Variants in SH3KBP1 observed in about 807,000 individuals in gnomAD.
SH3KBP1 encodes the protein SH3 domain containing kinase binding protein 1, also known as SH3 domain-containing kinase-binding protein 1.
A neutral mutation model predicts 50.1 loss-of-function variants in SH3KBP1; 8 were observed. That is an observed-to-expected ratio of 0.16 (90% CI 0.09 to 0.29). SH3KBP1 has a LOEUF of 0.29. Ranked by LOEUF, SH3KBP1 falls within the 10% of genes least tolerant of loss-of-function variation. The pLI is 1.00. For missense variants in SH3KBP1, 377 were observed against 535.2 expected (o/e 0.70, Z 2.92); for synonymous variants, 227 against 218.6 (o/e 1.04, Z -0.34).
At position 19,887,271 on chromosome X, in the gene SH3KBP1, G is replaced by A. The variant is rs949975806; in HGVS notation, c.4+36C>T. ...GGACTGGCGCGCCGCCCTCAAGGCT[G>A]AAGTGGACGCCCGGACGCGGGCGGC... On this transcript the variant is annotated intron_variant, in intron 1 of 17. Transcript: ENST00000397821. The A allele has an allele frequency of 1.9e-5, 18 of 971,996 alleles. No homozygotes were observed. The African/African-American group carries it at 2.9e-4, about 16-fold the overall frequency. The allele number at this position is 971,996 out of a possible 1,213,427, so 80.1% of individuals were successfully genotyped here. A position where few individuals can be genotyped will look rare whatever the true frequency, so the allele number is the denominator to read the frequency against.
chrX:19,754,424 A>G (rs1461868873), intron 2 of SH3KBP1, among the ~76,000 whole-genome samples: 1 of 112,346 alleles, frequency 8.9e-6, no homozygotes, highest in Non-Finnish European at 1.9e-5. Flanking sequence ...TTGGATACTT[A>G]AAAATATCTA....
intron 1 of SH3KBP1, among the ~76,000 whole-genome samples, chrX:19,851,157 A>G (rs902899005): frequency 1.7e-4 from 19 of 111,797 alleles, no homozygotes; most frequent in Non-Finnish European, 2.6e-4. Flanking sequence ...AAGCTGAACA[A>G]AAGGGTCAGG....
intron 4 of SH3KBP1, among the ~76,000 whole-genome samples, chrX:19,704,872 T>C (rs2063616953): frequency 8.9e-6 from 1 of 112,682 alleles, no homozygotes; most frequent in African/African-American, 3.2e-5. Flanking sequence ...TTTTTCATTA[T>C]CACAAATACT....
chrX:19,659,306 G>C (rs1251670643), intron 6 of SH3KBP1, among the ~76,000 whole-genome samples: 2 of 109,527 alleles, frequency 1.8e-5, no homozygotes, highest in Non-Finnish European at 3.8e-5. Context: ...GTAGAGACAG[G>C]GTTTCACCGT....
At chrX:19,715,647 G>A (rs755708761) in intron 3 of SH3KBP1, among the ~76,000 whole-genome samples, 3 of 111,742 alleles carry the variant, frequency 2.7e-5, no homozygotes, top group African/African-American at 6.5e-5. Context: ...GGCCAAAAAC[G>A]AATGGGACTC....
intron 8 of SH3KBP1, among the ~76,000 whole-genome samples, chrX:19,619,058 C>A (rs916162346): frequency 9.1e-6 from 1 of 109,389 alleles, no homozygotes; most frequent in African/African-American, 3.3e-5. Context: ...GGCAGATCAC[C>A]TGAGGTCAGG....
intron 6 of SH3KBP1, chrX:19,664,787 G>C (rs2062554453): frequency 8.9e-6 from 1 of 111,765 alleles, no homozygotes; most frequent in Non-Finnish European, 1.9e-5. Context: ...AGCCTCTTCT[G>C]AATTGAAAAA....
chrX:19,823,351 T>C (rs116002298), intron 2 of SH3KBP1, among the ~76,000 whole-genome samples: 1,946 of 112,474 alleles, frequency 0.017, 56 homozygotes, highest in African/African-American at 0.059. Context: ...TAGACTTTTA[T>C]CTGGCGGCTT....
intron 3 of SH3KBP1, among the ~76,000 whole-genome samples, chrX:19,723,928 C>G (rs1205377880): frequency 9.0e-6 from 1 of 110,922 alleles, no homozygotes. Flanking sequence ...AAGCAGATGT[C>G]CCCCGCCGAC....
chrX:19,835,525 C>A (rs1417611317), intron 2 of SH3KBP1, among the ~76,000 whole-genome samples: 1 of 110,809 alleles, frequency 9.0e-6, no homozygotes, highest in Non-Finnish European at 1.9e-5. Flanking sequence ...AAATAAAATT[C>A]TTTTAAACTT....
At chrX:19,595,857 A>G (rs2066891445) in intron 9 of SH3KBP1, among the ~76,000 whole-genome samples, 1 of 111,654 alleles carries the variant, frequency 9.0e-6, no homozygotes, top group Non-Finnish European at 1.9e-5. Flanking sequence ...TTCTGGGTGC[A>G]TATGTGTGCG....
intron 1 of SH3KBP1, among the ~76,000 whole-genome samples, chrX:19,878,487 TG>T (rs2069321535): frequency 2.5e-5 from 2 of 80,072 alleles, no homozygotes; most frequent in Non-Finnish European, 4.3e-5. Context: ...TGTGTGTGTG[TG>T]TGTGTGTGTG....
intron 2 of SH3KBP1, among the ~76,000 whole-genome samples, chrX:19,825,505 G>A (rs1187408550): frequency 9.0e-6 from 1 of 111,620 alleles, no homozygotes; most frequent in Non-Finnish European, 1.9e-5. Flanking sequence ...TTGTGTGACT[G>A]TGAGTATGGC....
intron 1 of SH3KBP1, among the ~76,000 whole-genome samples, chrX:19,868,791 A>G (rs753038526): frequency 1.8e-5 from 2 of 108,109 alleles, no homozygotes; most frequent in East Asian, 6.0e-4. Flanking sequence ...TCAACCCATT[A>G]TAAGTCAGGG....
chrX:19,561,663 A>G (rs1290782597), intron 13 of SH3KBP1, among the ~76,000 whole-genome samples: 1 of 111,758 alleles, frequency 8.9e-6, no homozygotes, highest in Non-Finnish European at 1.9e-5. Flanking sequence ...ATGCACTGAG[A>G]AAAAGGTCAA....
At chrX:19,871,730 G>A (rs1162286090) in intron 1 of SH3KBP1, among the ~76,000 whole-genome samples, 1 of 111,100 alleles carries the variant, frequency 9.0e-6, no homozygotes, top group African/African-American at 3.3e-5. Flanking sequence ...ACCCTTACGT[G>A]GTGCCCTTTA....
intron 2 of SH3KBP1, among the ~76,000 whole-genome samples, chrX:19,835,241 T>C (rs1374284162): frequency 9.0e-6 from 1 of 111,195 alleles, no homozygotes; most frequent in Non-Finnish European, 1.9e-5. Flanking sequence ...TCAAGTGATC[T>C]TCCCACCACA....
intron 3 of SH3KBP1, among the ~76,000 whole-genome samples, chrX:19,721,386 C>T (rs2064054711): frequency 8.9e-6 from 1 of 112,002 alleles, no homozygotes; most frequent in South Asian, 3.7e-4. Flanking sequence ...TTTCCCACTA[C>T]ATGAATAGAT....
chrX:19,542,321 C>G (rs1404816616), intron 15 of SH3KBP1, 128 bp from the exon 16 acceptor site: 4 of 681,022 alleles, frequency 5.9e-6, no homozygotes, highest in Non-Finnish European at 6.2e-6. Flanking sequence ...TTCACTTGTT[C>G]CTTCATCCAC....
Sources: allele counts gnomAD v4.1 joint callset (sites outside exome capture counted in the v4.1 genomes callset), GRCh38; gene constraint gnomAD v4.1.1; transcripts MANE v1.5; gene names NCBI Gene and HGNC (gene_info 2026-07-23, HGNC 2026-07-21).